Variants in PLXNC1 observed in about 807,000 individuals in gnomAD.
The protein encoded by PLXNC1 is plexin-C1.
Under a neutral mutation model 178.2 loss-of-function variants are expected in PLXNC1, and 75 were observed. That is an observed-to-expected ratio of 0.42 (90% CI 0.35 to 0.51). The LOEUF is 0.51. Among genes scored for constraint, PLXNC1 ranks in the 20% least tolerant of loss-of-function variants. The pLI is 0.02. For missense variants in PLXNC1, 1,503 were observed against 1,984.4 expected (o/e 0.76, Z 4.61); for synonymous variants, 790 against 779.9 (o/e 1.01, Z -0.22).
chr12:94,274,155 TAAAAAA>T (rs3060881), intron 21 of PLXNC1, among the ~76,000 whole-genome samples: 69 of 45,368 alleles, frequency 1.5e-3, no homozygotes, highest in African/African-American at 7.2e-3. Flanking sequence ...ACCCTGTCTC[TAAAAAA>T]AAAAAAAAAA....
At chr12:94,153,928 A>G (rs1326431623) in intron 1 of PLXNC1, among the ~76,000 whole-genome samples, 1 of 152,166 alleles carries the variant, frequency 6.6e-6, no homozygotes, top group Non-Finnish European at 1.5e-5. Context: ...CAAAATCCGC[A>G]GTCTTCTTGT....
At chr12:94,154,217 TG>T (rs1281821092) in intron 1 of PLXNC1, among the ~76,000 whole-genome samples, 1 of 152,198 alleles carries the variant, frequency 6.6e-6, no homozygotes, top group African/African-American at 2.4e-5. Context: ...GTAGTTATCA[TG>T]ATGATTAGAG....
At chr12:94,271,575 T>C (rs1398851948) in intron 21 of PLXNC1, among the ~76,000 whole-genome samples, 3 of 152,234 alleles carry the variant, frequency 2.0e-5, no homozygotes, top group Non-Finnish European at 4.4e-5. Flanking sequence ...GAATCTGGGC[T>C]CAGCCACTTT....
rs1964956079 is a variant in PLXNC1, at chr12:94,260,204, C to T, written c.3252-438C>T. 6.6e-6 allele frequency among the ~76,000 whole-genome samples: 1 copy of T among 151,978 alleles called. No homozygotes were observed. The highest frequency in any genetic ancestry group is 2.4e-5 in the African/African-American group (1 of 41,374). On this transcript the variant is annotated intron_variant, in intron 19 of 30. Coordinates refer to ENST00000258526, the MANE Select transcript of PLXNC1 (RefSeq NM_005761.3). The surrounding 1 kb of genome is among the most constrained non-coding windows in gnomAD (Gnocchi z 4.4). ...AAGTAGCTGGAACTACAGGTGCATGCCACCACACCCAGCTAATGTTTTGTT... is the reference window on the plus strand; with the variant it reads ...AAGTAGCTGGAACTACAGGTGCATGTCACCACACCCAGCTAATGTTTTGTT...
chr12:94,264,603 T>C (rs1965133371), intron 20 of PLXNC1, among the ~76,000 whole-genome samples: 1 of 152,228 alleles, frequency 6.6e-6, no homozygotes, highest in South Asian at 2.1e-4. Flanking sequence ...CCAAAAAACA[T>C]TGTATTTGGC....
At chr12:94,239,677 C>T (rs546626132) in intron 10 of PLXNC1, among the ~76,000 whole-genome samples, 79 of 152,310 alleles carry the variant, frequency 5.2e-4, no homozygotes, top group Admixed American at 1.2e-3. Context: ...GCGGGAATGT[C>T]GGAGAAAGCT....
At chr12:94,219,896 C>A in intron 5 of PLXNC1, 120 bp from the exon 6 acceptor site, 1 of 675,108 alleles carries the variant, frequency 1.5e-6, no homozygotes, top group Non-Finnish European at 2.4e-6. Flanking sequence ...TTCTTTACAT[C>A]AGCTCTTCTG....
intron 11 of PLXNC1, among the ~76,000 whole-genome samples, chr12:94,242,327 T>G (rs930427229): frequency 4.9e-4 from 50 of 101,722 alleles, no homozygotes; most frequent in Non-Finnish European, 5.5e-4. Flanking sequence ...TTTTTTTTTT[T>G]TGTGACAGTC....
intron 5 of PLXNC1, among the ~76,000 whole-genome samples, chr12:94,217,447 C>T (rs530299086): frequency 1.3e-5 from 2 of 152,198 alleles, no homozygotes; most frequent in Non-Finnish European, 2.9e-5. Context: ...TCTCCTTTAT[C>T]CCCACCCCAG....
intron 3 of PLXNC1, among the ~76,000 whole-genome samples, chr12:94,182,417 CAAAAA>C (rs10596280): frequency 9.2e-5 from 4 of 43,384 alleles, no homozygotes; most frequent in African/African-American, 2.7e-4. Flanking sequence ...GACCCTGTCT[CAAAAA>C]AAAAAAAAAA....
At chr12:94,271,506 A>G (rs766531251) in intron 21 of PLXNC1, among the ~76,000 whole-genome samples, 15 of 152,240 alleles carry the variant, frequency 9.9e-5, no homozygotes, top group Non-Finnish European at 1.6e-4. Context: ...GAATGCAGTT[A>G]CATGTTCCCA....
chr12:94,177,077 G>A lies in PLXNC1; in HGVS notation c.1204-4369G>A, dbSNP rs200856083. Among the ~76,000 whole-genome samples, 91 of 116,500 alleles carry A rather than the reference G, an allele frequency of 7.8e-4. 1 individual carries two copies. The highest frequency in any genetic ancestry group is 6.0e-3 in the East Asian group (23 of 3,860). The allele number at this position is 116,500 out of a possible 152,430, so 76.4% of individuals were successfully genotyped here. On this transcript the variant is annotated intron_variant, in intron 2 of 30. Transcript: ENST00000258526. The stretch of plus-strand genomic sequence containing the variant: ...TATGTGTGTGTGTGTGTGTGTGTGT[G>A]TATATATATATGTGTATATATATAT...
At chr12:94,211,139 C>G (rs1302732625) in intron 5 of PLXNC1, among the ~76,000 whole-genome samples, 1 of 152,184 alleles carries the variant, frequency 6.6e-6, no homozygotes, top group East Asian at 1.9e-4. Flanking sequence ...AAATTAATCA[C>G]TGTTTATATC....
Position 94,156,709 on chromosome 12 carries a change from T to C in PLXNC1, c.1062+6676T>C, listed in dbSNP as rs935979521. On this transcript the variant is annotated intron_variant, in intron 1 of 30. Transcript: ENST00000258526. ...GGAGAGACACTGGAAACTTTCTTTC[T>C]TTTTTTTTTTTTTTTTTAAACAGAG... Among the ~76,000 whole-genome samples, 8 of 132,536 alleles carry C rather than the reference T, an allele frequency of 6.0e-5. No homozygotes were observed. The South Asian group carries it at 7.2e-4, about 12-fold the overall frequency. The allele number at this position is 132,536 out of a possible 152,430, so 86.9% of individuals were successfully genotyped here. A position where few individuals can be genotyped will look rare whatever the true frequency, so the allele number is the denominator to read the frequency against.
chr12:94,226,704 C>T lies in PLXNC1; in HGVS notation c.1890C>T (p.Asn630=). The change falls in exon 8 of 31, where the codon AAC becomes AAT. Residue 630 remains asparagine (N), a synonymous_variant. Coordinates refer to ENST00000258526, the MANE Select transcript of PLXNC1 (RefSeq NM_005761.3). ...GCGACCCTTCTGATTATGAGAGAAA[C>T]CAGGTAAAGTGACATTTTTGGTATT... is the stretch of plus-strand genomic sequence containing the variant. ...TACDPSDYER[N]QEQCPVAVEK... The T allele has an allele frequency of 6.2e-7, 1 of 1,605,618 alleles. No individual in the cohort carries two copies. The highest frequency in any genetic ancestry group is 2.2e-5 in the East Asian group (1 of 44,824).
chr12:94,172,199 C>T (rs1433330463), intron 2 of PLXNC1, among the ~76,000 whole-genome samples: 1 of 152,188 alleles, frequency 6.6e-6, no homozygotes, highest in Non-Finnish European at 1.5e-5. Flanking sequence ...AAAACTCAAC[C>T]CAACGCAGAC....
intron 24 of PLXNC1, among the ~76,000 whole-genome samples, chr12:94,296,406 C>T (rs893188449): frequency 1.3e-5 from 2 of 152,218 alleles, no homozygotes; most frequent in African/African-American, 4.8e-5. Flanking sequence ...GGCAGTCCTC[C>T]TGCCTTGGCT....
At chr12:94,282,462 T>C (rs1207464493) in intron 23 of PLXNC1, 61 bp downstream of exon 23, 3 of 1,130,070 alleles carry the variant, frequency 2.7e-6, no homozygotes, top group Admixed American at 1.9e-5. Flanking sequence ...CCCATGGACA[T>C]TCTTTTAAAA....
At chr12:94,291,276 C>T (rs1450083391) in intron 23 of PLXNC1, among the ~76,000 whole-genome samples, 1 of 152,222 alleles carries the variant, frequency 6.6e-6, no homozygotes, top group African/African-American at 2.4e-5. Context: ...TGCTCTGTTG[C>T]CCAGGCTGGA....
Sources: gnomAD v4.1 joint callset for allele counts (sites outside exome capture counted in the v4.1 genomes callset) on GRCh38, gnomAD v4.1.1 for gene constraint, Gnocchi (gnomAD v3.1) non-coding constraint, MANE v1.5 for transcripts, NCBI Gene and HGNC (gene_info 2026-07-23, HGNC 2026-07-21) for gene names.